The following SEC23IP variants were observed in gnomAD, a reference collection of about 807,000 sequenced individuals.
SEC23IP encodes the protein SEC23-interacting protein.
A neutral mutation model predicts 113.4 loss-of-function variants in SEC23IP; 70 were observed. The ratio of observed to expected loss-of-function variants is 0.62; its 90% CI spans 0.51 to 0.75. SEC23IP has a LOEUF of 0.75. Among genes scored for constraint, SEC23IP ranks in the 30% least tolerant of loss-of-function variants. The probability of loss-of-function intolerance (pLI) is 0.00; values close to 1 mark genes in which losing one functional copy is unlikely to be tolerated. For missense variants in SEC23IP, 1,160 were observed against 1,204.9 expected, an observed-to-expected ratio of 0.96 and a Z score of 0.55; for synonymous variants, 398 against 421.0, an observed-to-expected ratio of 0.95 and a Z score of 0.67.
chr10:119,914,727 T>G lies in SEC23IP; in HGVS notation c.1313-3T>G. 1 of 1,613,210 alleles carries G rather than the reference T, an allele frequency of 6.2e-7. No homozygotes were observed. The highest frequency in any genetic ancestry group is 8.5e-7 in the Non-Finnish European group (1 of 1,179,488). ...ATGTAGGTTTAAAAATTTTTTTTGA[T>G]AGGGGAGATGCCTCAAGTTGACCAT... On this transcript the variant is annotated splice_region_variant and splice_polypyrimidine_tract_variant and intron_variant, in intron 6 of 18. Coordinates refer to ENST00000369075, the MANE Select transcript of SEC23IP (RefSeq NM_007190.4).
rs1021428207 is a variant in SEC23IP at position 119,926,908 on chromosome 10, A to T, written c.2313+681A>T. On this transcript the variant is annotated intron_variant, in intron 13 of 18. Transcript: ENST00000369075. ...TCTTTTCTTTTTTCCCTTTTTGGAG[A>T]CAGAGTCTTGCTCTGTTGCACAGGC... Among the ~76,000 whole-genome samples the T allele has an allele frequency of 4.6e-5, 7 of 152,150 alleles. No individual in the cohort carries two copies. In the South Asian group the frequency reaches 1.5e-3, roughly 32 times the overall value.
intron 18 of SEC23IP, among the ~76,000 whole-genome samples, chr10:119,937,621 G>C (rs1304997690): frequency 6.7e-6 from 1 of 148,980 alleles, no homozygotes; most frequent in Non-Finnish European, 1.5e-5. Context: ...GCGAGACTCC[G>C]TCTAAAAAAA....
chr10:119,892,764 C>G lies in SEC23IP; in HGVS notation c.-19C>G, dbSNP rs575447537. On this transcript the variant is annotated 5_prime_UTR_variant, in exon 1 of 19. The change creates a new upstream start codon in the 5' untranslated region. Coordinates refer to ENST00000369075, the MANE Select transcript of SEC23IP (RefSeq NM_007190.4). The stretch of plus-strand genomic sequence containing the variant: ...GTACCGGGTACCCGGAGACGTGTAT[C>G]GGACGGTGGGCCGCAGCCATGGCCG... The G allele has an allele frequency of 1.3e-5, 20 of 1,594,216 alleles. 1 individual carries two copies. In the Middle Eastern group the frequency reaches 5.1e-4, roughly 40 times the overall value.
chr10:119,900,921 A>C (rs1854470284), intron 2 of SEC23IP, among the ~76,000 whole-genome samples: 1 of 151,856 alleles, frequency 6.6e-6, no homozygotes, highest in African/African-American at 2.4e-5. Context: ...GCAAACATAT[A>C]ATACCTATGG....
In SEC23IP at chr10:119,904,278, G is replaced by A. The variant is rs1854591258; in HGVS notation, c.1101+1G>A. On this transcript the variant is annotated splice_donor_variant, in intron 4 of 18. Transcript: ENST00000369075. LOFTEE classifies it high-confidence loss of function. ...TGAGGAGTTCAGTGAAAAACTAGAG[G>A]TACGGGTGCTTTATTTCTTTATGAG... The A allele has an allele frequency of 6.2e-7, 1 of 1,613,526 alleles. No individual in the cohort carries two copies. The highest frequency in any genetic ancestry group is 1.7e-5 in the Admixed American group (1 of 60,016).
At chr10:119,938,058 C>T (rs193153818) in intron 18 of SEC23IP, among the ~76,000 whole-genome samples, 49 of 150,756 alleles carry the variant, frequency 3.3e-4, no homozygotes, top group African/African-American at 1.1e-3. Flanking sequence ...AATCCCAGCG[C>T]TGTGGGAGGA....
In SEC23IP at chr10:119,902,821, C is replaced by G; in HGVS notation, c.719C>G (p.Pro240Arg). The change falls in exon 3 of 19, where the codon CCG becomes CGG. Residue 240 changes from proline (P) to arginine (R), a missense_variant. Coordinates refer to ENST00000369075, the MANE Select transcript of SEC23IP (RefSeq NM_007190.4). ...CAGGTTCCTTCTTCAGTGCAGTCAC[C>G]GGCACAGCAGCAGGTACCTGCCAGA... ...LPPVPSSVQS[P>R]AQQQVPARPG... 1 of 1,614,118 alleles carries G rather than the reference C, an allele frequency of 6.2e-7. No individual in the cohort carries two copies. The highest frequency in any genetic ancestry group is 8.5e-7 in the Non-Finnish European group (1 of 1,180,004).
At chr10:119,933,481 A>G (rs1205019605) in intron 17 of SEC23IP, among the ~76,000 whole-genome samples, 5 of 152,160 alleles carry the variant, frequency 3.3e-5, no homozygotes, top group African/African-American at 9.7e-5. Flanking sequence ...CAACACAGCT[A>G]TTTTGGAGCT....
intron 3 of SEC23IP, among the ~76,000 whole-genome samples, chr10:119,903,252 A>G (rs540690531): frequency 1.3e-5 from 2 of 152,342 alleles, no homozygotes; most frequent in South Asian, 4.1e-4. Context: ...TGAGCAGTTC[A>G]TATAATCCAG....
At chr10:119,912,617 C>G (rs1379945288) in intron 6 of SEC23IP, among the ~76,000 whole-genome samples, 1 of 151,148 alleles carries the variant, frequency 6.6e-6, no homozygotes, top group Non-Finnish European at 1.5e-5. Context: ...GATCTTTTCT[C>G]CTAGGTATTT....
chr10:119,895,723 T>A, intron 1 of SEC23IP, among the ~76,000 whole-genome samples: 1 of 151,976 alleles, frequency 6.6e-6, no homozygotes, highest in East Asian at 1.9e-4. Flanking sequence ...AGTCTGAAGG[T>A]GTGAAAAAAT....
intron 4 of SEC23IP, among the ~76,000 whole-genome samples, chr10:119,906,747 TG>T (rs1288857299): frequency 2.6e-5 from 4 of 151,872 alleles, no homozygotes; most frequent in Non-Finnish European, 4.4e-5. Context: ...AGCTAATTTT[TG>T]TATTTTTAGT....
At chr10:119,921,719 A>G (rs1402108343) in intron 12 of SEC23IP, among the ~76,000 whole-genome samples, 1 of 152,242 alleles carries the variant, frequency 6.6e-6, no homozygotes, top group Non-Finnish European at 1.5e-5. Flanking sequence ...TACTTGTTTT[A>G]TTAATTTTAA....
At chr10:119,895,617 C>G (rs1307988819) in intron 1 of SEC23IP, among the ~76,000 whole-genome samples, 1 of 152,208 alleles carries the variant, frequency 6.6e-6, no homozygotes, top group Admixed American at 6.5e-5. Flanking sequence ...ATGGATGTCC[C>G]TTAGGCCTTC....
chr10:119,900,221 A>AAT (rs745518410), intron 2 of SEC23IP, among the ~76,000 whole-genome samples: 18 of 152,090 alleles, frequency 1.2e-4, no homozygotes, highest in Admixed American at 3.3e-4. Flanking sequence ...GTGTTGATGT[A>AAT]ATACTTCAAA....
chr10:119,894,887 A>G (rs1854217758), intron 1 of SEC23IP, among the ~76,000 whole-genome samples: 2 of 137,200 alleles, frequency 1.5e-5, no homozygotes, highest in Admixed American at 7.6e-5. Flanking sequence ...TTTCTTGGAG[A>G]CAGTCTGTGT....
chr10:119,904,375 C>T, intron 4 of SEC23IP, 98 bp downstream of exon 4: 2 of 1,025,376 alleles, frequency 2.0e-6, no homozygotes, highest in Non-Finnish European at 3.0e-6. Context: ...ACTTTACTTA[C>T]AAGACAGCTT....
chr10:119,902,905 C>G lies in SEC23IP; in HGVS notation c.803C>G (p.Pro268Arg). 2.5e-6 allele frequency: 4 copies of G among 1,614,168 alleles called. No individual in the cohort carries two copies. The African/African-American group carries it at 5.3e-5, about 22-fold the overall frequency. The change falls in exon 3 of 19, where the codon CCT (proline) becomes CGT (arginine). Residue 268 changes from proline (P) to arginine (R), a missense_variant. Transcript: ENST00000369075. ...SPFLLQNQYE[P>R]VQPHWFYCKE... ...TTTCTACTTCAAAACCAATATGAGCCTGTTCAGCCCCACTGGTTTTACTGC... is the reference window on the plus strand; with the variant it reads ...TTTCTACTTCAAAACCAATATGAGCGTGTTCAGCCCCACTGGTTTTACTGC...
chr10:119,915,897 GATTTTGATA>G lies in SEC23IP; in HGVS notation c.1544+10_1544+18del. On this transcript the variant is annotated intron_variant, in intron 8 of 18. Coordinates refer to ENST00000369075, the MANE Select transcript of SEC23IP (RefSeq NM_007190.4). ...CGCCACAGGTGTGGACAGGTTTGTG[GATTTTGATA>G]ACTTGTTTTTCAGATTAGTCATATT... 6.8e-7 allele frequency: 1 copy of G among 1,461,290 alleles called. No homozygotes were observed. Among genetic ancestry groups the G allele is most frequent in the Non-Finnish European group, 9.1e-7 (1 of 1,098,844 alleles). 90.5% of individuals were successfully genotyped at this position (1,461,290 alleles called of 1,614,324 possible). A position where few individuals can be genotyped will look rare whatever the true frequency, so the allele number is the denominator to read the frequency against.
Sources: allele counts gnomAD v4.1 joint callset (sites outside exome capture counted in the v4.1 genomes callset), GRCh38; gene constraint gnomAD v4.1.1; transcripts MANE v1.5; gene names NCBI Gene and HGNC (gene_info 2026-07-23, HGNC 2026-07-21).